Variants in IFT80 observed in about 807,000 individuals in gnomAD.
IFT80 encodes the protein intraflagellar transport protein 80 homolog.
A neutral mutation model predicts 107.9 loss-of-function variants in IFT80; 79 were observed. That is an observed-to-expected ratio of 0.73 (90% CI 0.61 to 0.88). IFT80 has a LOEUF of 0.88. Ranked by LOEUF, IFT80 falls within the 40% of genes least tolerant of loss-of-function variation. IFT80 has a pLI of 0.00. For missense variants in IFT80, 797 were observed against 914.2 expected (o/e 0.87, Z 1.65); for synonymous variants, 299 against 300.9 (o/e 0.99, Z 0.07).
intron 8 of IFT80, among the ~76,000 whole-genome samples, chr3:160,354,141 GA>G (rs755569019): frequency 1.8e-3 from 274 of 152,214 alleles, no homozygotes; most frequent in Non-Finnish European, 2.7e-3. Flanking sequence ...TTGTGAAAAT[GA>G]GACTACACAT....
intron 12 of IFT80, among the ~76,000 whole-genome samples, chr3:160,289,051 GTTAAC>G (rs1715326190): frequency 6.6e-6 from 1 of 151,998 alleles, no homozygotes; most frequent in South Asian, 2.1e-4. Context: ...AAGATATGGA[GTTAAC>G]TTAAATGCCC....
At chr3:160,359,856 A>T (rs140746547) in intron 6 of IFT80, among the ~76,000 whole-genome samples, 32,151 of 152,156 alleles carry the variant, frequency 0.21, 3,737 homozygotes, top group Non-Finnish European at 0.26. Flanking sequence ...TAGGTCACCA[A>T]CATCAAAGAC....
rs1375347131 is a variant in IFT80 at position 160,279,213 on chromosome 3, T to A, written c.1816A>T (p.Arg606Ter). Residue 606 changes from arginine (R) to a stop codon, truncating the protein, a stop_gained, in exon 16 of 20, where the codon AGA becomes TGA. Transcript: ENST00000326448. LOFTEE classifies it high-confidence loss of function. ...VSSSKWEDAVRLCRFVKEQTM... is the reference protein window; with the variant it reads ...VSSSKWEDAV ...ATTACCTTAACAAAGCGACAAAGTCTCACAGCATCTTCCCATTTTGAACTG... is the reference window on the plus strand; with the variant it reads ...ATTACCTTAACAAAGCGACAAAGTCACACAGCATCTTCCCATTTTGAACTG... 2.5e-6 allele frequency: 4 copies of A among 1,613,584 alleles called. No homozygotes were observed. The highest frequency in any genetic ancestry group is 1.7e-5 in the Admixed American group (1 of 59,984).
chr3:160,300,032 A>G (rs748249721), intron 12 of IFT80, among the ~76,000 whole-genome samples: 1 of 151,962 alleles, frequency 6.6e-6, no homozygotes, highest in Non-Finnish European at 1.5e-5. Context: ...ACCCAGTCAC[A>G]TGGCCTTCTG....
intron 9 of IFT80, among the ~76,000 whole-genome samples, chr3:160,312,653 A>T (rs1181007395): frequency 2.1e-5 from 1 of 48,346 alleles, no homozygotes; most frequent in Non-Finnish European, 3.5e-5. Context: ...TATTATATAT[A>T]AATATATAAT....
chr3:160,281,807 C>T (rs1714712454), intron 14 of IFT80, among the ~76,000 whole-genome samples: 1 of 152,120 alleles, frequency 6.6e-6, no homozygotes, highest in South Asian at 2.1e-4. Context: ...GTTGGCAGGC[C>T]ACTATGCATG....
At chr3:160,340,903 T>C (rs184702960) in intron 8 of IFT80, among the ~76,000 whole-genome samples, 6 of 152,294 alleles carry the variant, frequency 3.9e-5, no homozygotes, top group African/African-American at 1.4e-4. Context: ...AGTCATGAAA[T>C]TGCATTAGGA....
intron 18 of IFT80, 62 bp from the exon 19 acceptor site, chr3:160,268,598 G>A (rs1713541720): frequency 4.0e-6 from 6 of 1,507,522 alleles, no homozygotes; most frequent in Admixed American, 1.7e-5. Flanking sequence ...GAGTAGTAGA[G>A]TTCTGGAGTT....
chr3:160,296,633 C>A (rs1005560823), intron 12 of IFT80, among the ~76,000 whole-genome samples: 8 of 151,112 alleles, frequency 5.3e-5, no homozygotes, highest in African/African-American at 1.9e-4. Flanking sequence ...CTTTGTGAAA[C>A]AACAGTTATT....
intron 14 of IFT80, among the ~76,000 whole-genome samples, chr3:160,281,795 G>A (rs1309247671): frequency 6.6e-6 from 1 of 152,160 alleles, no homozygotes; most frequent in Non-Finnish European, 1.5e-5. Context: ...CCCCTCCCAG[G>A]TGTTGGCAGG....
intron 8 of IFT80, among the ~76,000 whole-genome samples, chr3:160,330,909 A>G (rs1055321677): frequency 2.0e-5 from 3 of 152,196 alleles, no homozygotes; most frequent in African/African-American, 7.2e-5. Context: ...GTCCACAGGG[A>G]TAGGTTCCAA....
intron 9 of IFT80, among the ~76,000 whole-genome samples, chr3:160,316,427 C>T (rs1357085917): frequency 2.0e-5 from 3 of 152,124 alleles, no homozygotes; most frequent in Admixed American, 6.6e-5. Context: ...CCTGTTAAGC[C>T]ATGCCTGGAT....
At chr3:160,316,508 T>C (rs890442459) in intron 9 of IFT80, among the ~76,000 whole-genome samples, 1 of 152,236 alleles carries the variant, frequency 6.6e-6, no homozygotes, top group Non-Finnish European at 1.5e-5. Context: ...TTATTCATTA[T>C]GCAGCAATAA....
chr3:160,264,522 A>T (rs1319915053), intron 19 of IFT80, among the ~76,000 whole-genome samples: 4 of 151,774 alleles, frequency 2.6e-5, no homozygotes, highest in Admixed American at 2.6e-4. Context: ...TCTGGTGCTC[A>T]AGTGATTCTC....
intron 8 of IFT80, among the ~76,000 whole-genome samples, chr3:160,322,088 G>C (rs1018391732): frequency 2.0e-5 from 3 of 151,084 alleles, no homozygotes; most frequent in Non-Finnish European, 4.4e-5. Context: ...ATAATGTGCA[G>C]GTTAGTTATA....
chr3:160,361,278 AAGGCCAT>A (rs1280323920), intron 6 of IFT80, among the ~76,000 whole-genome samples: 1 of 152,224 alleles, frequency 6.6e-6, no homozygotes, highest in Non-Finnish European at 1.5e-5. Context: ...AGGGACAAAG[AAGGCCAT>A]TACCTAATGG....
rs1716932593 is a variant in IFT80 at position 160,307,783 on chromosome 3, T to C, written c.958-2A>G. 2.1e-6 allele frequency: 3 copies of C among 1,424,544 alleles called. No homozygotes were observed. The highest frequency in any genetic ancestry group is 3.0e-6 in the Non-Finnish European group (3 of 1,008,074). The allele number at this position is 1,424,544 out of a possible 1,614,324, so 88.2% of individuals were successfully genotyped here. ...TGCATCATTAAGAACATTACGAACC[T>C]AAACAAGGAAAAATAAAATACCAAT... On this transcript the variant is annotated splice_acceptor_variant, in intron 9 of 19. Coordinates refer to ENST00000326448, the MANE Select transcript of IFT80 (RefSeq NM_020800.3). LOFTEE classifies it high-confidence loss of function.
In IFT80 at chr3:160,300,787, G is replaced by C. The variant is rs115911944; in HGVS notation, c.1315+96C>G. Reference sequence around the variant, plus strand: ...ATAATTCTTTTTCTATAAAGCTGATGTACTGGTAGATAAGAAAATGTAAGT... The same window carrying C: ...ATAATTCTTTTTCTATAAAGCTGATCTACTGGTAGATAAGAAAATGTAAGT... On this transcript the variant is annotated intron_variant, in intron 12 of 19. Coordinates refer to ENST00000326448, the MANE Select transcript of IFT80 (RefSeq NM_020800.3). 5.0e-3 allele frequency: 4,620 copies of C among 921,426 alleles called. 21 individuals are homozygous for C. Among genetic ancestry groups the C allele is most frequent in the Non-Finnish European group, 6.2e-3 (3,717 of 600,418 alleles). 57.1% of individuals were successfully genotyped at this position (921,426 alleles called of 1,614,324 possible).
chr3:160,281,366 G>A (rs1037167710), intron 14 of IFT80, among the ~76,000 whole-genome samples: 1 of 152,180 alleles, frequency 6.6e-6, no homozygotes, highest in African/African-American at 2.4e-5. Flanking sequence ...ACAGAAGACT[G>A]ACTTTTGTCC....
Sources: allele counts gnomAD v4.1 joint callset (sites outside exome capture counted in the v4.1 genomes callset), GRCh38; gene constraint gnomAD v4.1.1; transcripts MANE v1.5; gene names NCBI Gene and HGNC (gene_info 2026-07-23, HGNC 2026-07-21).